The following NRG3 variants were observed in gnomAD, a reference collection of about 807,000 sequenced individuals.
The protein encoded by NRG3 is neuregulin 3.
A neutral mutation model predicts 66.9 loss-of-function variants in NRG3; 31 were observed. The observed-to-expected ratio is 0.46, with a 90% CI of 0.35 to 0.63. NRG3 has a LOEUF of 0.63. Among genes scored for constraint, NRG3 ranks in the 20% least tolerant of loss-of-function variants. The probability of loss-of-function intolerance (pLI) is 0.00; values close to 1 mark genes in which losing one functional copy is unlikely to be tolerated. For missense variants in NRG3, 910 were observed against 878.9 expected (o/e 1.04, Z -0.45); for synonymous variants, 393 against 359.4 (o/e 1.09, Z -1.06).
At chr10:82,535,139 A>G (rs577604741) in intron 2 of NRG3, among the ~76,000 whole-genome samples, 2 of 146,484 alleles carry the variant, frequency 1.4e-5, no homozygotes, top group South Asian at 4.4e-4. Context: ...TGGATGACAG[A>G]GAGAGAGAGA....
chr10:82,394,291 G>A (rs936409176), intron 2 of NRG3, among the ~76,000 whole-genome samples: 5 of 152,212 alleles, frequency 3.3e-5, no homozygotes, highest in African/African-American at 9.6e-5. Context: ...GGACTACGAT[G>A]AGCGGGCACC....
chr10:82,472,066 A>T (rs1841320950), intron 2 of NRG3, among the ~76,000 whole-genome samples: 3 of 152,162 alleles, frequency 2.0e-5, no homozygotes, highest in Non-Finnish European at 2.9e-5. Flanking sequence ...TGAAAAAAAA[A>T]AATACTAGAA....
At chr10:82,430,071 T>A (rs2089696491) in intron 2 of NRG3, among the ~76,000 whole-genome samples, 1 of 152,178 alleles carries the variant, frequency 6.6e-6, no homozygotes, top group African/African-American at 2.4e-5. Flanking sequence ...GAGAAATCAG[T>A]CCCAGACTTT....
At chr10:82,531,770 C>G (rs1343834343) in intron 2 of NRG3, among the ~76,000 whole-genome samples, 2 of 151,798 alleles carry the variant, frequency 1.3e-5, no homozygotes, top group Admixed American at 1.3e-4. Context: ...TCTTAGTCAA[C>G]AGATTCTAAG....
At chr10:82,916,500 A>G (rs1031874337) in intron 4 of NRG3, among the ~76,000 whole-genome samples, 1 of 152,182 alleles carries the variant, frequency 6.6e-6, no homozygotes, top group African/African-American at 2.4e-5. Context: ...CTGTACAGCA[A>G]TGTAGCAAAG....
chr10:82,669,765 A>G (rs932503526), intron 2 of NRG3, among the ~76,000 whole-genome samples: 6 of 151,928 alleles, frequency 3.9e-5, no homozygotes, highest in South Asian at 2.1e-4. Flanking sequence ...CGTCTCTACT[A>G]AAAATACAAA....
Position 82,624,721 on chromosome 10 carries a change from T to C in NRG3, c.954-113856T>C, listed in dbSNP as rs938124588. On this transcript the variant is annotated intron_variant, in intron 2 of 8. Transcript: ENST00000372141. ...TATGCATACATATATATATATACTA[T>C]ATACATATATAATATTTAATATAAG... Among the ~76,000 whole-genome samples, 3 of 148,184 alleles carry C rather than the reference T, an allele frequency of 2.0e-5. No individual in the cohort carries two copies. The Admixed American group carries it at 2.0e-4, about 10-fold the overall frequency.
rs1013672613 is a variant in NRG3, at chr10:82,138,512, T to G, written c.824-220227T>G. On this transcript the variant is annotated intron_variant, in intron 1 of 8. Transcript: ENST00000372141. ...AGTGGGATATTATACATATGAAGTG[T>G]ATTAGTCAGGTTCTCTAGAGGGACA... is the stretch of plus-strand genomic sequence containing the variant. 2.0e-5 allele frequency among the ~76,000 whole-genome samples: 3 copies of G among 152,166 alleles called. No homozygotes were observed. The South Asian group carries it at 6.2e-4, about 31-fold the overall frequency.
rs987624610 is a variant in NRG3, at chr10:82,985,921, A to T, written c.*316A>T. ...CTTGGCCCCACAGTGCCAGTGTCTC[A>T]TTAAAAAACACTGGCAGTTACCTGG... On this transcript the variant is annotated 3_prime_UTR_variant, in exon 9 of 9. Coordinates refer to ENST00000372141, the MANE Select transcript of NRG3 (RefSeq NM_001010848.4). The T allele has an allele frequency of 4.8e-6, 1 of 207,798 alleles. No individual in the cohort carries two copies. Among genetic ancestry groups the T allele is most frequent in the African/African-American group, 2.3e-5 (1 of 42,682 alleles). 12.9% of individuals were successfully genotyped at this position (207,798 alleles called of 1,614,324 possible). A position where few individuals can be genotyped will look rare whatever the true frequency, so the allele number is the denominator to read the frequency against.
chr10:82,090,717 T>C (rs2065978441), intron 1 of NRG3, among the ~76,000 whole-genome samples: 1 of 150,598 alleles, frequency 6.6e-6, no homozygotes, highest in Admixed American at 6.7e-5. Context: ...TCCAATAATG[T>C]TAATGGGGGC....
Position 82,324,895 on chromosome 10 carries a change from G to C in NRG3, c.824-33844G>C, listed in dbSNP as rs189810078. On this transcript the variant is annotated intron_variant, in intron 1 of 8. Transcript: ENST00000372141. Reference sequence around the variant, plus strand: ...AATATTTATCTGCTGTTGTTGGATGGAGTGTACTATAACTGAATTTTTTCA... The same window carrying C: ...AATATTTATCTGCTGTTGTTGGATGCAGTGTACTATAACTGAATTTTTTCA... 3.9e-4 allele frequency among the ~76,000 whole-genome samples: 59 copies of C among 152,286 alleles called. No individual in the cohort carries two copies. The East Asian group carries it at 9.8e-3, about 25-fold the overall frequency.
At chr10:82,732,838 C>T (rs1303023374) in intron 2 of NRG3, among the ~76,000 whole-genome samples, 2 of 152,210 alleles carry the variant, frequency 1.3e-5, no homozygotes, top group African/African-American at 2.4e-5. Flanking sequence ...GACGATCTTT[C>T]CATTTTCCCC....
intron 3 of NRG3, among the ~76,000 whole-genome samples, chr10:82,857,477 A>C (rs182895953): frequency 1.3e-5 from 2 of 152,290 alleles, no homozygotes; most frequent in Non-Finnish European, 2.9e-5. Flanking sequence ...CCTACTCTCC[A>C]CAGTGGAAAA....
chr10:82,420,671 G>A (rs2088994786), intron 2 of NRG3, among the ~76,000 whole-genome samples: 1 of 151,854 alleles, frequency 6.6e-6, no homozygotes, highest in Non-Finnish European at 1.5e-5. Flanking sequence ...CCCACATCCA[G>A]GAAATTATCC....
intron 4 of NRG3, among the ~76,000 whole-genome samples, chr10:82,883,990 G>T (rs1842512685): frequency 6.6e-6 from 1 of 150,824 alleles, no homozygotes; most frequent in Admixed American, 6.6e-5. Flanking sequence ...GAGTGGAGAT[G>T]ATACTATGCA....
chr10:82,693,466 G>C (rs2055108350), intron 2 of NRG3, among the ~76,000 whole-genome samples: 1 of 152,136 alleles, frequency 6.6e-6, no homozygotes, highest in Non-Finnish European at 1.5e-5. Context: ...ACTGGAGCTA[G>C]CCTGCCCTGG....
intron 1 of NRG3, among the ~76,000 whole-genome samples, chr10:82,332,322 C>T (rs1352558024): frequency 6.6e-6 from 1 of 152,150 alleles, no homozygotes; most frequent in African/African-American, 2.4e-5. Flanking sequence ...TGTGTAGCAT[C>T]GTGACACCAC....
At chr10:82,504,453 T>C (rs1590381943) in intron 2 of NRG3, among the ~76,000 whole-genome samples, 1 of 152,092 alleles carries the variant, frequency 6.6e-6, no homozygotes, top group Non-Finnish European at 1.5e-5. Flanking sequence ...TCACAGCACT[T>C]TGGATGGTAA....
At chr10:82,325,146 T>C (rs1309511187) in intron 1 of NRG3, among the ~76,000 whole-genome samples, 2 of 152,208 alleles carry the variant, frequency 1.3e-5, no homozygotes, top group Non-Finnish European at 2.9e-5. Context: ...ACCCATCCCT[T>C]TATCATTATG....
Sources: gnomAD v4.1 joint callset for allele counts (sites outside exome capture counted in the v4.1 genomes callset) on GRCh38, gnomAD v4.1.1 for gene constraint, MANE v1.5 for transcripts, NCBI Gene and HGNC (gene_info 2026-07-23, HGNC 2026-07-21) for gene names.